Variants in HYDIN observed in about 807,000 individuals in gnomAD.
HYDIN encodes HYDIN axonemal central pair apparatus protein.
In HYDIN, 132 loss-of-function variants were observed where a neutral mutation model predicts 403.9. The ratio of observed to expected loss-of-function variants is 0.33; its 90% confidence interval spans 0.28 to 0.38. The LOEUF (loss-of-function observed/expected upper bound fraction) is 0.38, where lower values mean the gene tolerates loss of function less well. HYDIN is among the 10% of genes least tolerant of loss of function. The pLI is 1.00. For synonymous variants in HYDIN, 1,202 were observed against 1,891.7 expected (o/e 0.64, Z 9.46); for missense variants, 2,827 against 5,009.5 (o/e 0.56, Z 13.15).
In HYDIN at chr16:70,858,830, A is replaced by G. The variant is rs757932092; in HGVS notation, c.12130-960T>C. 3.1e-3 allele frequency among the ~76,000 whole-genome samples: 465 copies of G among 152,124 alleles called. 3 individuals are homozygous for G. The highest frequency in any genetic ancestry group is 4.3e-3 in the Non-Finnish European group (291 of 67,978). ...CCATGATCCAGGTAGGATTGTCTCT[A>G]TGGTGGACCCAGCTCCTGGACCTTG... On this transcript the variant is annotated intron_variant, in intron 71 of 85. Coordinates refer to ENST00000393567, the MANE Select transcript of HYDIN (RefSeq NM_001270974.2).
chr16:71,067,703 T>C (rs1326557528), intron 14 of HYDIN, among the ~76,000 whole-genome samples: 3 of 152,140 alleles, frequency 2.0e-5, no homozygotes, highest in Admixed American at 2.0e-4. Context: ...TCGAACCAAC[T>C]TTAATTACTG....
chr16:70,872,371 TATCCATCCATCC>T (rs144467788), intron 64 of HYDIN, among the ~76,000 whole-genome samples, 192 bp from the exon 65 acceptor site: 8 of 137,132 alleles, frequency 5.8e-5, no homozygotes, highest in African/African-American at 2.1e-4. Context: ...TCCATCCATC[TATCCATCCATCC>T]ATCCATCCAT....
chr16:70,970,864 G>A (rs1439355810), intron 35 of HYDIN, 105 bp from the exon 36 acceptor site: 3 of 1,090,710 alleles, frequency 2.8e-6, no homozygotes, highest in Non-Finnish European at 3.9e-6. Context: ...TAGATTAAGG[G>A]AGAAAACTTA....
chr16:71,101,843 T>C (rs2144409887), intron 10 of HYDIN, among the ~76,000 whole-genome samples: 1 of 152,250 alleles, frequency 6.6e-6, no homozygotes, highest in South Asian at 2.1e-4. Context: ...CTCCTGGGGA[T>C]ATATCCTAGA....
At chr16:71,183,758 G>A (rs751201126) in intron 3 of HYDIN, among the ~76,000 whole-genome samples, 1 of 152,066 alleles carries the variant, frequency 6.6e-6, no homozygotes, top group East Asian at 1.9e-4. Flanking sequence ...ATTAGTAGAT[G>A]ACTGCCACCC....
At chr16:71,134,284 T>C (rs1489434187) in intron 8 of HYDIN, among the ~76,000 whole-genome samples, 1 of 151,188 alleles carries the variant, frequency 6.6e-6, no homozygotes, top group East Asian at 1.9e-4. Context: ...CTTTAAGCTA[T>C]GTTAAAATGC....
At position 70,803,160 on chromosome 16, in the gene HYDIN, A is replaced by AT. The variant is rs914744793; in HGVS notation, c.*4419dup. Among the ~76,000 whole-genome samples, 157 of 150,534 alleles carry AT rather than the reference A, an allele frequency of 1.0e-3. 2 individuals are homozygous for AT. The highest frequency in any genetic ancestry group is 2.9e-3 in the South Asian group (14 of 4,758). On this transcript the variant is annotated 3_prime_UTR_variant, in exon 86 of 86. Transcript: ENST00000393567. ...TTTTTAATAATTCAAACAATAAGGA[A>AT]TTTTTTTTTTACCAGAAGTATTCTT...
chr16:70,927,046 G>A (rs2077174826), intron 45 of HYDIN, among the ~76,000 whole-genome samples: 1 of 152,118 alleles, frequency 6.6e-6, no homozygotes. Context: ...AATCCTAGAC[G>A]GAGAGGAGAG....
intron 18 of HYDIN, among the ~76,000 whole-genome samples, chr16:71,048,602 T>C (rs1196083008): frequency 1.3e-5 from 2 of 149,432 alleles, no homozygotes; most frequent in African/African-American, 4.9e-5. Context: ...TGTTTCACTA[T>C]TAAGGCAAAG....
chr16:71,125,390 T>C (rs1430539383), intron 9 of HYDIN, among the ~76,000 whole-genome samples: 3 of 152,220 alleles, frequency 2.0e-5, no homozygotes, highest in Non-Finnish European at 2.9e-5. Context: ...TTGATTTAAA[T>C]TTGTTCATTC....
intron 60 of HYDIN, among the ~76,000 whole-genome samples, chr16:70,881,770 G>T (rs1369572671): frequency 2.6e-5 from 4 of 152,250 alleles, no homozygotes; most frequent in Admixed American, 2.6e-4. Flanking sequence ...AACACCCTTG[G>T]TGACCTCCCC....
intron 1 of HYDIN, among the ~76,000 whole-genome samples, chr16:71,211,524 C>A (rs2088590051): frequency 6.6e-6 from 1 of 151,926 alleles, no homozygotes; most frequent in Admixed American, 6.6e-5. Flanking sequence ...CACCTGTAGT[C>A]CCAGCTACTG....
At chr16:70,931,197 C>T in intron 45 of HYDIN, among the ~76,000 whole-genome samples, 1 of 132,768 alleles carries the variant, frequency 7.5e-6, no homozygotes, top group Non-Finnish European at 1.6e-5. Flanking sequence ...GGTTTTCTGT[C>T]TCTCTTTCTT....
At chr16:71,063,814 G>A (rs935953557) in intron 16 of HYDIN, among the ~76,000 whole-genome samples, 1 of 151,992 alleles carries the variant, frequency 6.6e-6, no homozygotes, top group South Asian at 2.1e-4. Context: ...TGCCATTTTG[G>A]TTACTGCGAA....
chr16:71,220,035 G>A (rs2089116731), intron 1 of HYDIN, among the ~76,000 whole-genome samples: 1 of 152,138 alleles, frequency 6.6e-6, no homozygotes, highest in Non-Finnish European at 1.5e-5. Context: ...TTGTGGTCCA[G>A]GTCCTACTGG....
rs1195422139 is a variant in HYDIN at position 71,210,782 on chromosome 16, T to TA, written c.-24+19779dup. On this transcript the variant is annotated intron_variant, in intron 1 of 85. Transcript: ENST00000393567. ...AGATGAAATGAAAAATCTTTATTAG[T>TA]AAAACCTTTGTTACTTGGCCCTACA... Among the ~76,000 whole-genome samples the TA allele has an allele frequency of 2.6e-5, 4 of 152,298 alleles. No individual in the cohort carries two copies. The East Asian group carries it at 7.7e-4, about 29-fold the overall frequency.
At chr16:70,824,060 G>GTT (rs1165647916) in intron 83 of HYDIN, among the ~76,000 whole-genome samples, 1 of 149,806 alleles carries the variant, frequency 6.7e-6, no homozygotes, top group African/African-American at 2.5e-5. Flanking sequence ...AGTTTTATAT[G>GTT]TTTTTTTTTT....
chr16:71,179,527 C>G (rs975653806), intron 3 of HYDIN, among the ~76,000 whole-genome samples: 4 of 152,104 alleles, frequency 2.6e-5, no homozygotes, highest in Non-Finnish European at 4.4e-5. Context: ...TTCAGAGATG[C>G]AGGAAGGAAA....
chr16:71,139,489 A>C (rs2085083136), intron 7 of HYDIN, among the ~76,000 whole-genome samples: 1 of 152,208 alleles, frequency 6.6e-6, no homozygotes, highest in South Asian at 2.1e-4. Context: ...CTATGTTTAA[A>C]GAAACAAATG....
Sources: gnomAD v4.1 joint callset for allele counts (sites outside exome capture counted in the v4.1 genomes callset) on GRCh38, gnomAD v4.1.1 for gene constraint, MANE v1.5 for transcripts, NCBI Gene and HGNC (gene_info 2026-07-23, HGNC 2026-07-21) for gene names.